The following SETX variants were observed in gnomAD, a reference collection of about 807,000 sequenced individuals.
The protein encoded by SETX is helicase senataxin.
SETX carries 90 observed loss-of-function variants against 227.2 expected under a neutral mutation model. The observed-to-expected ratio is 0.40, with a 90% CI of 0.33 to 0.47. SETX has a LOEUF of 0.47. Ranked by LOEUF, SETX falls within the 20% of genes least tolerant of loss-of-function variation. The probability of loss-of-function intolerance (pLI) is 0.91; values close to 1 mark genes in which losing one functional copy is unlikely to be tolerated. For synonymous variants in SETX, 1,210 were observed against 1,113.2 expected, an observed-to-expected ratio of 1.09 and a Z score of -1.73; for missense variants, 3,052 against 3,181.5, an observed-to-expected ratio of 0.96 and a Z score of 0.98.
chr9:132,263,979 A>AT lies in SETX; in HGVS notation c.*259dup. 3.7e-6 allele frequency: 2 copies of AT among 543,580 alleles called. No individual in the cohort carries two copies. Among genetic ancestry groups the AT allele is most frequent in the Non-Finnish European group, 6.6e-6 (2 of 303,138 alleles). 33.7% of individuals were successfully genotyped at this position (543,580 alleles called of 1,614,324 possible). A position where few individuals can be genotyped will look rare whatever the true frequency, so the allele number is the denominator to read the frequency against. On this transcript the variant is annotated 3_prime_UTR_variant, in exon 26 of 26. Coordinates refer to ENST00000224140, the MANE Select transcript of SETX (RefSeq NM_015046.7). Reference sequence around the variant, plus strand: ...TCACTCCAGTCTGACCTCCTTGTCTATAGAAGACTAAGAGATCAACATTTC... The same window carrying AT: ...TCACTCCAGTCTGACCTCCTTGTCTATTAGAAGACTAAGAGATCAACATTTC...
At chr9:132,300,379 T>C (rs1333100353) in intron 12 of SETX, among the ~76,000 whole-genome samples, 2 of 152,154 alleles carry the variant, frequency 1.3e-5, no homozygotes, top group East Asian at 3.9e-4. Flanking sequence ...AAATGGTCCA[T>C]TTTATAGCAA....
intron 5 of SETX, among the ~76,000 whole-genome samples, chr9:132,341,729 C>T (rs117247154): frequency 0.028 from 4,247 of 152,278 alleles, 82 homozygotes; most frequent in Non-Finnish European, 0.042. Context: ...CACCCCCATC[C>T]GCCCCTTGTT....
rs904381534 is a variant in SETX, at chr9:132,263,699, C to A, written c.*540G>T. 1 of 154,826 alleles carries A rather than the reference C, an allele frequency of 6.5e-6. No individual in the cohort carries two copies. Among genetic ancestry groups the A allele is most frequent in the Non-Finnish European group, 1.4e-5 (1 of 69,656 alleles). 9.6% of individuals were successfully genotyped at this position (154,826 alleles called of 1,614,324 possible). On this transcript the variant is annotated 3_prime_UTR_variant, in exon 26 of 26. Coordinates refer to ENST00000224140, the MANE Select transcript of SETX (RefSeq NM_015046.7). ...GGGGTTTTTGCTTTTTTTAATAGAG[C>A]CAGAGACACCTGACCCACCAGCACT...
intron 10 of SETX, among the ~76,000 whole-genome samples, chr9:132,324,445 T>C (rs1846577060): frequency 1.3e-5 from 2 of 152,186 alleles, no homozygotes; most frequent in African/African-American, 4.8e-5. Context: ...CCTTTGTACA[T>C]TACACTTCCT....
intron 7 of SETX, 119 bp downstream of exon 7, chr9:132,334,489 A>C (rs1847465649): frequency 3.5e-6 from 4 of 1,149,440 alleles, no homozygotes; most frequent in Admixed American, 1.8e-5. Flanking sequence ...TGAATCTATT[A>C]CTAAACCAGA....
In SETX at chr9:132,261,911, T is replaced by TA. The variant is rs2131101311; in HGVS notation, c.*2327dup. 6.5e-6 allele frequency: 1 copy of TA among 154,514 alleles called. No individual in the cohort carries two copies. Among genetic ancestry groups the TA allele is most frequent in the Non-Finnish European group, 1.5e-5 (1 of 68,216 alleles). 9.6% of individuals were successfully genotyped at this position (154,514 alleles called of 1,614,324 possible). ...GCGAAGAGCCACACTTCACACCTTG[T>TA]AAAAAGAATAGCCCTGTTCAACAAC... On this transcript the variant is annotated 3_prime_UTR_variant, in exon 26 of 26. Coordinates refer to ENST00000224140, the MANE Select transcript of SETX (RefSeq NM_015046.7).
chr9:132,330,255 T>G lies in SETX; in HGVS notation c.1343A>C (p.Asp448Ala), dbSNP rs370363342. 7.0e-6 allele frequency: 11 copies of G among 1,578,776 alleles called. No homozygotes were observed. The highest frequency in any genetic ancestry group is 9.5e-6 in the Non-Finnish European group (11 of 1,161,484). ...SEVKEVLNQT[D>A]AVCDKVTEFF... ...TTCAGTGACTTTGTCACACACAGCATCTGTTTGGTTGAGGACTTCTTTGAC... is the reference window on the plus strand; with the variant it reads ...TTCAGTGACTTTGTCACACACAGCAGCTGTTTGGTTGAGGACTTCTTTGAC... The change falls in exon 10 of 26, where the codon GAT becomes GCT. Residue 448 changes from aspartate (D) to alanine (A), a missense_variant. This residue lies in a region of SETX where 179 missense variants were observed against 197.1 expected (regional missense o/e 0.91). Transcript: ENST00000224140.
intron 23 of SETX, among the ~76,000 whole-genome samples, chr9:132,272,543 G>A (rs577149296): frequency 1.3e-5 from 2 of 151,856 alleles, no homozygotes; most frequent in South Asian, 4.2e-4. Flanking sequence ...TCAAACTTCT[G>A]GGGCTCAAGC....
rs1842506437 is a variant in SETX at position 132,264,028 on chromosome 9, A to T, written c.*211T>A. 1 of 626,730 alleles carries T rather than the reference A, an allele frequency of 1.6e-6. No individual in the cohort carries two copies. The highest frequency in any genetic ancestry group is 2.8e-6 in the Non-Finnish European group (1 of 361,640). 38.8% of individuals were successfully genotyped at this position (626,730 alleles called of 1,614,324 possible). A position where few individuals can be genotyped will look rare whatever the true frequency, so the allele number is the denominator to read the frequency against. Reference sequence around the variant, plus strand: ...TCCAGTCTCTGACTTCAAGGACATTATTACGGATACACAATGCCCTCTGAA... The same window carrying T: ...TCCAGTCTCTGACTTCAAGGACATTTTTACGGATACACAATGCCCTCTGAA... On this transcript the variant is annotated 3_prime_UTR_variant, in exon 26 of 26. Coordinates refer to ENST00000224140, the MANE Select transcript of SETX (RefSeq NM_015046.7).
chr9:132,297,951 AAACT>A (rs1294857055), intron 13 of SETX, 125 bp downstream of exon 13: 8 of 795,136 alleles, frequency 1.0e-5, no homozygotes, highest in East Asian at 5.3e-5. Flanking sequence ...ATACTAAAGA[AAACT>A]AACACTAAAC....
At chr9:132,305,854 T>C (rs1018538889) in intron 11 of SETX, among the ~76,000 whole-genome samples, 3 of 152,180 alleles carry the variant, frequency 2.0e-5, no homozygotes, top group African/African-American at 4.8e-5. Context: ...GGACAAGTGG[T>C]ATAATATGAA....
chr9:132,292,422 A>G (rs1211304087), intron 15 of SETX, among the ~76,000 whole-genome samples: 2 of 138,958 alleles, frequency 1.4e-5, no homozygotes, highest in East Asian at 3.9e-4. Flanking sequence ...GTACAAAAAA[A>G]AAAAAAAAAA....
chr9:132,309,154 A>G (rs985905287), intron 11 of SETX, among the ~76,000 whole-genome samples: 6 of 152,152 alleles, frequency 3.9e-5, no homozygotes, highest in African/African-American at 1.4e-4. Flanking sequence ...CAGAACAAAC[A>G]AAACAAAACA....
chr9:132,301,162 G>A (rs1047971173), intron 11 of SETX, among the ~76,000 whole-genome samples: 1 of 147,002 alleles, frequency 6.8e-6, no homozygotes, highest in Non-Finnish European at 1.5e-5. Context: ...GCGCGATCTC[G>A]GGTCACTGCA....
At chr9:132,316,148 C>G (rs1416353114) in intron 10 of SETX, among the ~76,000 whole-genome samples, 1 of 152,200 alleles carries the variant, frequency 6.6e-6, no homozygotes, top group East Asian at 1.9e-4. Context: ...TCTGACGAGG[C>G]TACGCAGGAA....
rs2296871 is a variant in SETX at position 132,298,298 on chromosome 9, T to C, written c.5563A>G (p.Thr1855Ala). Residue 1855 changes from threonine to alanine, a missense_variant, in exon 13 of 26, where the codon ACT becomes GCT. By Grantham distance (58) the Thr-to-Ala change is moderately conservative. Transcript: ENST00000224140. ...GTCTGGATGGAAAGGTAACACTCAG[T>C]TTTCCCATTACGCACTATCATCAAG... is the stretch of plus-strand genomic sequence containing the variant. The part of the protein sequence containing the change: ...RRTSVMRNGK[T>A]ECYLSIQTQE... 338,667 of 1,612,270 alleles carry C rather than the reference T, an allele frequency of 0.21. 51,750 individuals are homozygous for C. The highest frequency in any genetic ancestry group is 0.71 in the East Asian group (31,767 of 44,848).
intron 15 of SETX, among the ~76,000 whole-genome samples, chr9:132,289,023 C>T (rs943636548): frequency 6.6e-6 from 1 of 152,162 alleles, no homozygotes; most frequent in Admixed American, 6.5e-5. Context: ...AAGCAGTTCT[C>T]TCATGTTGGG....
chr9:132,345,387 C>T (rs926766809), intron 4 of SETX, among the ~76,000 whole-genome samples: 1 of 152,206 alleles, frequency 6.6e-6, no homozygotes, highest in African/African-American at 2.4e-5. Context: ...GATTCTCCTG[C>T]CTCAGCCTCC....
intron 1 of SETX, among the ~76,000 whole-genome samples, chr9:132,354,004 C>G (rs12348044): frequency 1.3e-5 from 2 of 152,192 alleles, no homozygotes; most frequent in African/African-American, 2.4e-5. Context: ...AAGTTATTAG[C>G]CCGCGCAGGT....
Sources: allele counts gnomAD v4.1 joint callset (sites outside exome capture counted in the v4.1 genomes callset), GRCh38; gene constraint gnomAD v4.1.1; regional missense constraint gnomAD v4.1.1; transcripts MANE v1.5; gene names NCBI Gene and HGNC (gene_info 2026-07-23, HGNC 2026-07-21).